TGM6: variants seen among roughly 807,000 people sequenced by gnomAD.
The protein encoded by TGM6 is protein-glutamine gamma-glutamyltransferase 6.
Under a neutral mutation model 77.5 loss-of-function variants are expected in TGM6, and 74 were observed. That is an observed-to-expected ratio of 0.96 (90% CI 0.79 to 1.16). The LOEUF (loss-of-function observed/expected upper bound fraction) is 1.16. Among genes scored for constraint, TGM6 ranks in the 50% most tolerant of loss-of-function variants. The pLI, the probability that TGM6 is intolerant of heterozygous loss-of-function variation, is 0.00. For synonymous variants in TGM6, 383 were observed against 378.9 expected (o/e 1.01, Z -0.12); for missense variants, 968 against 940.2 (o/e 1.03, Z -0.39).
In TGM6 at chr20:2,394,541, C is replaced by G. The variant is rs147548610; in HGVS notation, c.97C>G (p.Arg33Gly). The change falls in exon 2 of 13, where the codon CGC becomes GGC. Residue 33 changes from arginine (R) to glycine (G), a missense_variant. Physicochemically the swap from Arg to Gly is moderately radical, Grantham distance 125. Transcript: ENST00000202625. ...QEYPCPELVV[R>G]RGQSFSLTLE... ...GTACCCCTGCCCTGAGCTGGTGGTT[C>G]GCAGGGGCCAGTCGTTCAGCCTCAC... The G allele has an allele frequency of 6.2e-7, 1 of 1,611,878 alleles. No individual in the cohort carries two copies. Among genetic ancestry groups the G allele is most frequent in the African/African-American group, 1.3e-5 (1 of 74,838 alleles).
chr20:2,387,421 A>C (rs2122329022), intron 1 of TGM6, among the ~76,000 whole-genome samples: 1 of 152,332 alleles, frequency 6.6e-6, no homozygotes, highest in Non-Finnish European at 1.5e-5. Context: ...CTGGTCCTGC[A>C]CAGTGCTCAC....
intron 1 of TGM6, among the ~76,000 whole-genome samples, chr20:2,384,106 CAAAA>C (rs35843804): frequency 1.2e-5 from 1 of 84,600 alleles, no homozygotes. Flanking sequence ...GACTCCGTCT[CAAAA>C]AAAAAAAAAA....
chr20:2,409,965 A>G (rs1370505889), intron 9 of TGM6, among the ~76,000 whole-genome samples: 1 of 152,186 alleles, frequency 6.6e-6, no homozygotes, highest in African/African-American at 2.4e-5. Context: ...AAATGAAAAG[A>G]ACTATAGAGT....
At position 2,395,191 on chromosome 20, in the gene TGM6, C is replaced by T; in HGVS notation, c.182-3C>T. On this transcript the variant is annotated splice_region_variant and splice_polypyrimidine_tract_variant and intron_variant, in intron 2 of 12. Transcript: ENST00000202625. ...TCTCCTGATTCCCTCTCCTCTCCTC[C>T]AGGACCCCGGGCTTCTGAGGCCCTC... 2 of 1,612,830 alleles carry T rather than the reference C, an allele frequency of 1.2e-6. No individual in the cohort carries two copies. The highest frequency in any genetic ancestry group is 1.7e-6 in the Non-Finnish European group (2 of 1,180,002).
Position 2,417,565 on chromosome 20 carries a change from C to A in TGM6, c.1670C>A (p.Pro557Gln), listed in dbSNP as rs551248080. ...LHESHAVRLG[P>Q]QEEKRIPITI... ...GAATCCCACGCCGTGAGGCTGGGGC[C>A]GCAAGAAGGTAAGTGTACGCTGGCT... The change falls in exon 10 of 13, where the codon CCG becomes CAG. Residue 557 changes from proline to glutamine, a missense_variant. Transcript: ENST00000202625. The A allele has an allele frequency of 1.2e-6, 2 of 1,600,572 alleles. No homozygotes were observed. The highest frequency in any genetic ancestry group is 1.7e-5 in the Admixed American group (1 of 59,856).
rs751204014 is a variant in TGM6, at chr20:2,403,820, G to A, written c.1333G>A (p.Glu445Lys). ...VDITDLYKYP[E>K]GSRKERQVYS... is the part of the protein sequence containing the mutation. ...CATCACTGACCTCTACAAGTATCCG[G>A]AAGGTAAGGGCCACATGGCGGCCTT... The change falls in exon 9 of 13, where the codon GAA becomes AAA. Residue 445 changes from glutamate to lysine, a missense_variant. Glu to Lys is a moderately conservative substitution (Grantham distance 56, BLOSUM62 1). Coordinates refer to ENST00000202625, the MANE Select transcript of TGM6 (RefSeq NM_198994.3). 6.2e-7 allele frequency: 1 copy of A among 1,614,094 alleles called. No homozygotes were observed. The highest frequency in any genetic ancestry group is 1.7e-5 in the Admixed American group (1 of 60,026).
chr20:2,429,008 A>G (rs947637876), intron 10 of TGM6, among the ~76,000 whole-genome samples: 6 of 152,146 alleles, frequency 3.9e-5, no homozygotes, highest in Non-Finnish European at 8.8e-5. Context: ...TTTTTTTAGT[A>G]GAGACAGGGT....
intron 1 of TGM6, 132 bp from the exon 2 acceptor site, chr20:2,394,320 G>A (rs981816884): frequency 3.7e-6 from 4 of 1,071,630 alleles, no homozygotes; most frequent in African/African-American, 1.6e-5. Context: ...CAAACAAACA[G>A]AGAATCGCCG....
intron 10 of TGM6, among the ~76,000 whole-genome samples, chr20:2,418,087 A>G (rs1239325753): frequency 6.6e-6 from 1 of 151,812 alleles, no homozygotes; most frequent in African/African-American, 2.4e-5. Flanking sequence ...ATCTTAGCTC[A>G]CTGCAACCTC....
At chr20:2,401,676 G>A (rs576141337) in intron 7 of TGM6, among the ~76,000 whole-genome samples, 24 of 152,046 alleles carry the variant, frequency 1.6e-4, no homozygotes, top group Non-Finnish European at 2.6e-4. Context: ...ATTCTATTTC[G>A]CAGATGAGGA....
chr20:2,394,186 C>A (rs1372477104), intron 1 of TGM6, among the ~76,000 whole-genome samples: 2 of 152,056 alleles, frequency 1.3e-5, no homozygotes, highest in African/African-American at 4.8e-5. Context: ...TCCAGCTACT[C>A]GGGAGGCTGA....
intron 10 of TGM6, among the ~76,000 whole-genome samples, chr20:2,418,021 G>A (rs1568667709): frequency 1.3e-5 from 2 of 151,848 alleles, no homozygotes; most frequent in Non-Finnish European, 1.5e-5. Flanking sequence ...TTTGGTTTTC[G>A]GGTTTTTTTG....
chr20:2,408,510 G>C (rs943291985), intron 9 of TGM6, among the ~76,000 whole-genome samples: 9 of 152,174 alleles, frequency 5.9e-5, no homozygotes, highest in Non-Finnish European at 1.3e-4. Context: ...CAGGAAGCCT[G>C]ACTGTTTTGT....
At position 2,408,794 on chromosome 20, in the gene TGM6, C is replaced by T. The variant is rs920234238; in HGVS notation, c.1336+4971C>T. Among the ~76,000 whole-genome samples, 9 of 152,154 alleles carry T rather than the reference C, an allele frequency of 5.9e-5. No homozygotes were observed. In the East Asian group the frequency reaches 1.2e-3, roughly 20 times the overall value. On this transcript the variant is annotated intron_variant, in intron 9 of 12. Transcript: ENST00000202625. Reference sequence around the variant, plus strand: ...TGCCAGGCAACCAGTGAACAAAATGCGTATGATCTTTATCTTAAAGGATAA... The same window carrying T: ...TGCCAGGCAACCAGTGAACAAAATGTGTATGATCTTTATCTTAAAGGATAA...
intron 9 of TGM6, among the ~76,000 whole-genome samples, chr20:2,406,345 T>A (rs1457659639): frequency 6.6e-6 from 1 of 151,744 alleles, no homozygotes; most frequent in African/African-American, 2.4e-5. Flanking sequence ...ACAAAAGAAT[T>A]AGCCAGGCAT....
intron 1 of TGM6, among the ~76,000 whole-genome samples, chr20:2,386,938 G>A (rs1252691977): frequency 1.3e-5 from 2 of 152,146 alleles, no homozygotes; most frequent in Admixed American, 6.5e-5. Flanking sequence ...TTACCATCCA[G>A]CAACCTCGTC....
At chr20:2,399,494 G>T in intron 5 of TGM6, 67 bp from the exon 6 acceptor site, 2 of 1,610,304 alleles carry the variant, frequency 1.2e-6, no homozygotes, top group South Asian at 1.1e-5. Flanking sequence ...GACAGGATTT[G>T]ACCACGATGC....
intron 12 of TGM6, 56 bp downstream of exon 12, chr20:2,431,083 G>A (rs2084921085): frequency 6.4e-7 from 1 of 1,572,144 alleles, no homozygotes. Flanking sequence ...TTGTGGATGA[G>A]CCAGAGAGAA....
intron 9 of TGM6, among the ~76,000 whole-genome samples, chr20:2,407,374 T>A (rs980864380): frequency 6.6e-6 from 1 of 152,196 alleles, no homozygotes; most frequent in African/African-American, 2.4e-5. Flanking sequence ...ATCCCAGCAC[T>A]TTGGGAGGCC....
Sources: allele counts gnomAD v4.1 joint callset (sites outside exome capture counted in the v4.1 genomes callset), GRCh38; gene constraint gnomAD v4.1.1; transcripts MANE v1.5; gene names NCBI Gene and HGNC (gene_info 2026-07-23, HGNC 2026-07-21).